The following RNGTT variants were observed in gnomAD, a reference collection of about 807,000 sequenced individuals.
RNGTT encodes mRNA-capping enzyme.
RNGTT carries 33 observed loss-of-function variants against 79.3 expected under a neutral mutation model. That is an observed-to-expected ratio of 0.42 (90% CI 0.32 to 0.56). The LOEUF is 0.56. RNGTT is among the 20% of genes least tolerant of loss of function. RNGTT has a pLI of 0.17. For missense variants in RNGTT, 497 were observed against 739.1 expected (o/e 0.67, Z 3.80); for synonymous variants, 222 against 235.9 (o/e 0.94, Z 0.54).
At chr6:88,721,316 C>T (rs563389020) in intron 13 of RNGTT, among the ~76,000 whole-genome samples, 20 of 152,160 alleles carry the variant, frequency 1.3e-4, no homozygotes, top group African/African-American at 4.8e-4. Flanking sequence ...GTAATCTACT[C>T]TTATAATATT....
chr6:88,666,695 G>A (rs1042639184), intron 14 of RNGTT, among the ~76,000 whole-genome samples: 9 of 152,330 alleles, frequency 5.9e-5, no homozygotes, highest in Middle Eastern at 6.8e-3. Context: ...TCTGTAGACT[G>A]GGAGCTGTAT....
At chr6:88,828,999 A>T (rs1780759924) in intron 11 of RNGTT, among the ~76,000 whole-genome samples, 2 of 152,186 alleles carry the variant, frequency 1.3e-5, no homozygotes, top group South Asian at 2.1e-4. Context: ...CCAACCTAGC[A>T]AGATAGGCCA....
At position 88,612,790 on chromosome 6, in the gene RNGTT, T is replaced by C. The variant is rs1184982847; in HGVS notation, c.1723A>G (p.Lys575Glu). 1 of 1,613,564 alleles carries C rather than the reference T, an allele frequency of 6.2e-7. No individual in the cohort carries two copies. Among genetic ancestry groups the C allele is most frequent in the Non-Finnish European group, 8.5e-7 (1 of 1,179,946 alleles). ...TCCGTGTCAGGGTCCAGATGATGTT[T>C]TCGCTTCTGTCCTTGAGAAGCTGCA... ...CTAASQGQKR[K>E]HHLDPDTELM... Residue 575 changes from lysine (K) to glutamate (E), a missense_variant, in exon 16 of 16, where the codon AAA (lysine) becomes GAA (glutamate). This residue lies in a region of RNGTT where 53 missense variants were observed against 50.5 expected (regional missense o/e 1.05). Coordinates refer to ENST00000369485, the MANE Select transcript of RNGTT (RefSeq NM_003800.5).
intron 14 of RNGTT, among the ~76,000 whole-genome samples, chr6:88,627,161 C>T (rs2127767800): frequency 6.6e-6 from 1 of 152,166 alleles, no homozygotes; most frequent in South Asian, 2.1e-4. Context: ...TGTTACACAA[C>T]TAATGCAAAT....
intron 14 of RNGTT, among the ~76,000 whole-genome samples, chr6:88,617,996 T>C (rs1772297755): frequency 6.6e-6 from 1 of 152,144 alleles, no homozygotes; most frequent in Non-Finnish European, 1.5e-5. Flanking sequence ...TAGTCAACAA[T>C]GTGTAGTCTG....
chr6:88,881,677 T>A (rs1274241971), intron 8 of RNGTT, among the ~76,000 whole-genome samples: 1 of 152,200 alleles, frequency 6.6e-6, no homozygotes, highest in Non-Finnish European at 1.5e-5. Flanking sequence ...GTCTCTTGGA[T>A]GAAATAAGGT....
chr6:88,782,963 C>T (rs1582455350), intron 12 of RNGTT, among the ~76,000 whole-genome samples: 1 of 152,178 alleles, frequency 6.6e-6, no homozygotes, highest in East Asian at 1.9e-4. Context: ...ATTGGTACAG[C>T]CCATTAGTGA....
At chr6:88,703,565 T>G (rs1776015582) in intron 13 of RNGTT, among the ~76,000 whole-genome samples, 1 of 151,904 alleles carries the variant, frequency 6.6e-6, no homozygotes, top group Admixed American at 6.6e-5. Flanking sequence ...CAGGCAAGGG[T>G]TGAAAAACTG....
At chr6:88,754,658 A>G (rs562046266) in intron 13 of RNGTT, among the ~76,000 whole-genome samples, 44 of 152,304 alleles carry the variant, frequency 2.9e-4, no homozygotes, top group African/African-American at 9.4e-4. Flanking sequence ...CGTGATGGCC[A>G]TGATGCCCCC....
intron 8 of RNGTT, among the ~76,000 whole-genome samples, chr6:88,887,220 T>A (rs1226890855): frequency 1.3e-5 from 2 of 152,148 alleles, no homozygotes; most frequent in African/African-American, 4.8e-5. Context: ...TTACGAGATA[T>A]AATAAATTGC....
At chr6:88,833,157 A>G (rs2127890550) in intron 11 of RNGTT, among the ~76,000 whole-genome samples, 1 of 152,320 alleles carries the variant, frequency 6.6e-6, no homozygotes, top group Non-Finnish European at 1.5e-5. Flanking sequence ...CACAATAGCA[A>G]AGACTTGGAA....
At chr6:88,732,870 G>T (rs890635465) in intron 13 of RNGTT, among the ~76,000 whole-genome samples, 3 of 152,128 alleles carry the variant, frequency 2.0e-5, no homozygotes, top group African/African-American at 7.2e-5. Context: ...GAGATGGATG[G>T]TTGTGATGGT....
rs181338929 is a variant in RNGTT, at chr6:88,663,606, C to T, written c.1506+14747G>A. On this transcript the variant is annotated intron_variant, in intron 14 of 15. Coordinates refer to ENST00000369485, the MANE Select transcript of RNGTT (RefSeq NM_003800.5). ...CAGAGGATGCATGGCAGAAATGGCA[C>T]CAATGGTGCCCCTCCTTACCAAGAA... Among the ~76,000 whole-genome samples the T allele has an allele frequency of 2.0e-5, 3 of 152,238 alleles. No individual in the cohort carries two copies. In the East Asian group the frequency reaches 5.8e-4, roughly 29 times the overall value.
intron 11 of RNGTT, among the ~76,000 whole-genome samples, chr6:88,826,883 A>T (rs1013731261): frequency 6.8e-6 from 1 of 147,480 alleles, no homozygotes; most frequent in African/African-American, 2.5e-5. Context: ...ATACTATAAA[A>T]ATTACTTTAA....
intron 14 of RNGTT, among the ~76,000 whole-genome samples, chr6:88,674,961 G>A (rs1309108509): frequency 6.6e-6 from 1 of 152,044 alleles, no homozygotes; most frequent in Non-Finnish European, 1.5e-5. Context: ...AGCCAGGCGT[G>A]GTGGTGCGAG....
intron 8 of RNGTT, among the ~76,000 whole-genome samples, chr6:88,857,733 A>T (rs983201120): frequency 6.6e-6 from 1 of 152,284 alleles, no homozygotes; most frequent in East Asian, 1.9e-4. Context: ...AGAGGAAAGG[A>T]GGAGGACAAA....
chr6:88,962,363 G>A (rs1785659240), intron 1 of RNGTT, among the ~76,000 whole-genome samples: 1 of 152,200 alleles, frequency 6.6e-6, no homozygotes, highest in Admixed American at 6.5e-5. Flanking sequence ...CAAGCGGGGT[G>A]GCTCTCGCCT....
intron 14 of RNGTT, among the ~76,000 whole-genome samples, chr6:88,659,863 A>G (rs1203542268): frequency 6.6e-6 from 1 of 152,232 alleles, no homozygotes; most frequent in African/African-American, 2.4e-5. Flanking sequence ...AGGTTATCTA[A>G]AGTCAAGATA....
At chr6:88,618,621 G>A (rs1772320952) in intron 14 of RNGTT, among the ~76,000 whole-genome samples, 1 of 152,066 alleles carries the variant, frequency 6.6e-6, no homozygotes, top group Admixed American at 6.5e-5. Context: ...TTGAACTGAT[G>A]AGGTTTTACT....
Sources: allele counts gnomAD v4.1 joint callset (sites outside exome capture counted in the v4.1 genomes callset), GRCh38; gene constraint gnomAD v4.1.1; regional missense constraint gnomAD v4.1.1; transcripts MANE v1.5; gene names NCBI Gene and HGNC (gene_info 2026-07-23, HGNC 2026-07-21).